EXOC4: variants seen among roughly 807,000 people sequenced by gnomAD.
The protein encoded by EXOC4 is exocyst complex component 4.
Under a neutral mutation model 107.2 loss-of-function variants are expected in EXOC4, and 71 were observed. The ratio of observed to expected loss-of-function variants is 0.66; its 90% CI spans 0.55 to 0.81. EXOC4 has a LOEUF of 0.81. Among genes scored for constraint, EXOC4 ranks in the 30% least tolerant of loss-of-function variants. EXOC4 has a pLI of 0.00. For missense variants in EXOC4, 1,108 were observed against 1,189.6 expected, an observed-to-expected ratio of 0.93 and a Z score of 1.01; for synonymous variants, 456 against 441.2, an observed-to-expected ratio of 1.03 and a Z score of -0.42.
At chr7:133,750,950 A>G (rs1177827123) in intron 10 of EXOC4, among the ~76,000 whole-genome samples, 5 of 152,218 alleles carry the variant, frequency 3.3e-5, no homozygotes, top group Admixed American at 6.5e-5. Flanking sequence ...CTGAAATACA[A>G]GAATCACACC....
chr7:133,271,165 G>A (rs532160224), intron 1 of EXOC4, among the ~76,000 whole-genome samples: 20 of 152,062 alleles, frequency 1.3e-4, no homozygotes, highest in East Asian at 3.9e-4. Context: ...TGATCTGCCC[G>A]CCCCGGCCTC....
intron 1 of EXOC4, among the ~76,000 whole-genome samples, chr7:133,254,351 A>G (rs574014575): frequency 1.3e-5 from 2 of 152,228 alleles, no homozygotes; most frequent in South Asian, 4.1e-4. Flanking sequence ...GGTAGGCCAT[A>G]CAGAGGAAGT....
At chr7:133,290,021 C>G (rs1435625039) in intron 3 of EXOC4, among the ~76,000 whole-genome samples, 2 of 152,178 alleles carry the variant, frequency 1.3e-5, no homozygotes, top group African/African-American at 2.4e-5. Flanking sequence ...ATTAAATGCT[C>G]TAAGTGGTTC....
chr7:133,647,630 C>T (rs1387459485), intron 10 of EXOC4, among the ~76,000 whole-genome samples: 1 of 152,004 alleles, frequency 6.6e-6, no homozygotes, highest in Non-Finnish European at 1.5e-5. Context: ...CATTTAAAAC[C>T]CTTACCAGAG....
chr7:133,451,007 TC>T (rs1231700147), intron 7 of EXOC4, among the ~76,000 whole-genome samples: 12 of 152,202 alleles, frequency 7.9e-5, no homozygotes, highest in Non-Finnish European at 1.5e-4. Flanking sequence ...GAACGGTTGC[TC>T]ACTTTGGTTT....
intron 10 of EXOC4, chr7:133,767,973 T>A (rs1206239697): frequency 6.6e-6 from 1 of 152,016 alleles, no homozygotes; most frequent in African/African-American, 2.4e-5. Flanking sequence ...ATAAATGGAA[T>A]GTGTAAGTAC....
Position 133,463,302 on chromosome 7 carries a change from T to C in EXOC4, c.1183-12026T>C, listed in dbSNP as rs139679077. Among the ~76,000 whole-genome samples, 130 of 152,276 alleles carry C rather than the reference T, an allele frequency of 8.5e-4. 1 individual carries two copies. The East Asian group carries it at 0.023, about 27-fold the overall frequency. ...AAGGAGCTCCCCCGCTTTGGTGCCC[T>C]TCCTCCCTTTGAGGAGAGGTGGTAA... is the stretch of plus-strand genomic sequence containing the variant. On this transcript the variant is annotated intron_variant, in intron 7 of 17. Coordinates refer to ENST00000253861, the MANE Select transcript of EXOC4 (RefSeq NM_021807.4).
intron 5 of EXOC4, among the ~76,000 whole-genome samples, chr7:133,349,798 G>A (rs770235202): frequency 1.3e-5 from 2 of 151,820 alleles, no homozygotes; most frequent in Non-Finnish European, 2.9e-5. Flanking sequence ...GTGCACAAGC[G>A]TTCCAATTTC....
chr7:133,515,999 T>C (rs1043204347), intron 9 of EXOC4, among the ~76,000 whole-genome samples: 6 of 152,216 alleles, frequency 3.9e-5, no homozygotes, highest in Non-Finnish European at 8.8e-5. Flanking sequence ...ATTGACTTAT[T>C]ATCTGTGTAT....
chr7:134,074,983 G>T, the EXOC4 span, among the ~76,000 whole-genome samples: 1 of 152,146 alleles, frequency 6.6e-6, no homozygotes, highest in African/African-American at 2.4e-5. Context: ...AAGGTATGCA[G>T]TTTGTCAACC....
intron 10 of EXOC4, among the ~76,000 whole-genome samples, chr7:133,758,459 G>C (rs901130036): frequency 6.6e-6 from 1 of 152,144 alleles, no homozygotes; most frequent in African/African-American, 2.4e-5. Context: ...TCCTTGAATT[G>C]AATGGTTACT....
Position 133,351,090 on chromosome 7 carries a change from G to T in EXOC4, c.764-5240G>T, listed in dbSNP as rs1398267025. Among the ~76,000 whole-genome samples the T allele has an allele frequency of 3.9e-5, 6 of 152,014 alleles. No homozygotes were observed. In the East Asian group the frequency reaches 7.7e-4, roughly 20 times the overall value. On this transcript the variant is annotated intron_variant, in intron 5 of 17. Transcript: ENST00000253861. ...TTGATCATAGTGTATAGTCCTATAA[G>T]TATGCTGCTGAATTCAGTTTGTTAG... is the stretch of plus-strand genomic sequence containing the variant.
intron 10 of EXOC4, among the ~76,000 whole-genome samples, chr7:133,796,715 G>A (rs1189078541): frequency 6.6e-6 from 1 of 152,104 alleles, no homozygotes; most frequent in Non-Finnish European, 1.5e-5. Flanking sequence ...CCGAGATCGC[G>A]CCACTGCATT....
At chr7:133,575,944 G>A (rs749888781) in intron 9 of EXOC4, among the ~76,000 whole-genome samples, 22 of 152,116 alleles carry the variant, frequency 1.4e-4, no homozygotes, top group African/African-American at 4.3e-4. Flanking sequence ...GTAATTGCTC[G>A]TTCTCTTCAG....
intron 10 of EXOC4, among the ~76,000 whole-genome samples, chr7:133,719,457 G>A (rs1402925906): frequency 6.6e-6 from 1 of 151,770 alleles, no homozygotes; most frequent in Non-Finnish European, 1.5e-5. Flanking sequence ...GACCTTTTAG[G>A]CTAGAAGTAA....
chr7:133,381,760 A>G (rs17576069), intron 7 of EXOC4, among the ~76,000 whole-genome samples: 21,593 of 152,114 alleles, frequency 0.14, 1,899 homozygotes, highest in Non-Finnish European at 0.19. Flanking sequence ...ACACCTTATG[A>G]CAGTCACTGT....
Position 133,427,040 on chromosome 7 carries a change from C to T in EXOC4, c.1183-48288C>T, listed in dbSNP as rs77661607. Reference sequence around the variant, plus strand: ...AACCTTAGCATCCAATGTGACTCTCCTGATGCTCCCATATGTGTGGTTTTT... The same window carrying T: ...AACCTTAGCATCCAATGTGACTCTCTTGATGCTCCCATATGTGTGGTTTTT... On this transcript the variant is annotated intron_variant, in intron 7 of 17. Transcript: ENST00000253861. Among the ~76,000 whole-genome samples the T allele has an allele frequency of 7.5e-3, 1,136 of 152,258 alleles. 38 individuals carry two copies. The East Asian group carries it at 0.13, about 17-fold the overall frequency.
chr7:133,425,483 C>T (rs1015857340), intron 7 of EXOC4, among the ~76,000 whole-genome samples: 27 of 152,098 alleles, frequency 1.8e-4, no homozygotes, highest in African/African-American at 6.0e-4. Context: ...GACGGGGTAT[C>T]ACCATGTTGC....
At chr7:133,483,043 T>C (rs1423461486) in intron 9 of EXOC4, among the ~76,000 whole-genome samples, 1 of 152,224 alleles carries the variant, frequency 6.6e-6, no homozygotes, top group Non-Finnish European at 1.5e-5. Context: ...CTGAGTACTT[T>C]CCATACTGCA....
Sources: gnomAD v4.1 joint callset for allele counts (sites outside exome capture counted in the v4.1 genomes callset) on GRCh38, gnomAD v4.1.1 for gene constraint, MANE v1.5 for transcripts, NCBI Gene and HGNC (gene_info 2026-07-23, HGNC 2026-07-21) for gene names.